KIRREL2: variants seen among roughly 807,000 people sequenced by gnomAD.
KIRREL2 encodes the protein kirre like nephrin family adhesion molecule 2.
A neutral mutation model predicts 73.4 loss-of-function variants in KIRREL2; 56 were observed. The observed-to-expected ratio is 0.76, with a 90% CI of 0.62 to 0.95. KIRREL2 has a LOEUF of 0.95. Ranked by LOEUF, KIRREL2 falls within the 40% of genes least tolerant of loss-of-function variation. The pLI is 0.00. For missense variants in KIRREL2, 896 were observed against 935.0 expected (o/e 0.96, Z 0.54); for synonymous variants, 407 against 404.0 (o/e 1.01, Z -0.09).
rs758313329 is a variant in KIRREL2 at position 35,860,707 on chromosome 19, C to A, written c.928+40C>A. 122 of 1,596,826 alleles carry A rather than the reference C, an allele frequency of 7.6e-5. 1 individual carries two copies. Among genetic ancestry groups the A allele is most frequent in the Non-Finnish European group, 9.1e-5 (107 of 1,176,776 alleles). ...GCCTGTGGGTGTGGTCAAAGGTGGC[C>A]GTGGCTTTCAGGGCTGTTGAGGGTC... On this transcript the variant is annotated intron_variant, in intron 7 of 14. Transcript: ENST00000360202.
intron 11 of KIRREL2, 136 bp downstream of exon 11, chr19:35,862,160 GT>G: frequency 1.4e-6 from 1 of 715,996 alleles, no homozygotes; most frequent in East Asian, 2.7e-5. Flanking sequence ...TCTCAAAACT[GT>G]GGGCTCATTG....
chr19:35,862,907 C>T lies in KIRREL2; in HGVS notation c.1616-20C>T, dbSNP rs1369178496. 12 of 1,480,844 alleles carry T rather than the reference C, an allele frequency of 8.1e-6. No homozygotes were observed. Among genetic ancestry groups the T allele is most frequent in the Non-Finnish European group, 1.1e-5 (12 of 1,081,546 alleles). The allele number at this position is 1,480,844 out of a possible 1,614,324, so 91.7% of individuals were successfully genotyped here. A position where few individuals can be genotyped will look rare whatever the true frequency, so the allele number is the denominator to read the frequency against. The stretch of plus-strand genomic sequence containing the variant: ...TGTGACCCCGCCCATCGCTTAACTC[C>T]ACCGGTCGCTGTTTGTCAGCCTCAG... On this transcript the variant is annotated intron_variant, in intron 12 of 14. Transcript: ENST00000360202.
At chr19:35,860,692 G>A (rs1216556268) in intron 7 of KIRREL2, 25 bp downstream of exon 7, 2 of 1,599,028 alleles carry the variant, frequency 1.3e-6, no homozygotes, top group Non-Finnish European at 1.7e-6. Flanking sequence ...GCCTGTGGGT[G>A]TGGTCAAAGG....
rs1973544443 is a variant in KIRREL2 at position 35,858,816 on chromosome 19, G to T, written c.474G>T (p.Leu158Phe). 3 of 1,614,056 alleles carry T rather than the reference G, an allele frequency of 1.9e-6. No individual in the cohort carries two copies. The highest frequency in any genetic ancestry group is 2.5e-6 in the Non-Finnish European group (3 of 1,180,046). Residue 158 changes from leucine (L) to phenylalanine (F), a missense_variant, in exon 4 of 15, where the codon TTG becomes TTT. Coordinates refer to ENST00000360202, the MANE Select transcript of KIRREL2 (RefSeq NM_199180.4). ...SRGDARPTPE[L>F]LWFRDGVLLD... ...GGGATGCCCGCCCTACCCCTGAATTGCTGTGGTTCCGAGATGGGGTCCTGT... is the reference window on the plus strand; with the variant it reads ...GGGATGCCCGCCCTACCCCTGAATTTCTGTGGTTCCGAGATGGGGTCCTGT...
intron 9 of KIRREL2, 60 bp downstream of exon 9, chr19:35,861,314 G>A (rs895459247): frequency 1.3e-5 from 19 of 1,506,072 alleles, no homozygotes; most frequent in African/African-American, 1.1e-4. Flanking sequence ...GCGGACAGAG[G>A]GGGCAAGGGC....
In KIRREL2 at chr19:35,861,625, C is replaced by T. The variant is rs1283393034; in HGVS notation, c.1274C>T (p.Pro425Leu). Residue 425 changes from proline (P) to leucine (L), a missense_variant, in exon 10 of 15, where the codon CCC (proline) becomes CTC (leucine). Transcript: ENST00000360202. ...CTCCAGTGTCTGGTTTTCGCCTCTC[C>T]CGCCCCAGATGCCGTGGTAAGGAAA... Reference protein sequence around the residue: ...ARLQCLVFASPAPDAVVWSWD... With the variant: ...ARLQCLVFASLAPDAVVWSWD... 5 of 1,613,276 alleles carry T rather than the reference C, an allele frequency of 3.1e-6. No individual in the cohort carries two copies. Among genetic ancestry groups the T allele is most frequent in the Admixed American group, 1.7e-5 (1 of 59,768 alleles).
In KIRREL2 at chr19:35,866,570, G is replaced by T; in HGVS notation, c.*78G>T. Reference sequence around the variant, plus strand: ...TCTGATTTCTGAGGAGCCAGGACAAGTTGGCGACCTTACTCCTCCAAAACT... The same window carrying T: ...TCTGATTTCTGAGGAGCCAGGACAATTTGGCGACCTTACTCCTCCAAAACT... On this transcript the variant is annotated 3_prime_UTR_variant, in exon 15 of 15. Coordinates refer to ENST00000360202, the MANE Select transcript of KIRREL2 (RefSeq NM_199180.4). The T allele has an allele frequency of 6.2e-7, 1 of 1,600,988 alleles. No individual in the cohort carries two copies. The highest frequency in any genetic ancestry group is 8.5e-7 in the Non-Finnish European group (1 of 1,174,190).
chr19:35,863,755 G>A (rs997374688), intron 13 of KIRREL2, among the ~76,000 whole-genome samples: 2 of 151,690 alleles, frequency 1.3e-5, no homozygotes, highest in South Asian at 4.2e-4. Flanking sequence ...CCCGGCCTGA[G>A]GGCTCAAGTC....
Position 35,860,300 on chromosome 19 carries a change from C to T in KIRREL2, c.677C>T (p.Pro226Leu). The T allele has an allele frequency of 6.2e-7, 1 of 1,613,900 alleles. No homozygotes were observed. Residue 226 changes from proline to leucine, a missense_variant, in exon 6 of 15, where the codon CCC (proline) becomes CTC (leucine). Physicochemically the swap from Pro to Leu is moderately conservative, Grantham distance 98. Coordinates refer to ENST00000360202, the MANE Select transcript of KIRREL2 (RefSeq NM_199180.4). Reference sequence around the variant, plus strand: ...GACCATTGTCCCACCCTCACAGACCCCCCAGAGGTGACTCTGTCTGCTTCG... The same window carrying T: ...GACCATTGTCCCACCCTCACAGACCTCCCAGAGGTGACTCTGTCTGCTTCG... The part of the protein sequence containing the change: ...DTAITLSLQY[P>L]PEVTLSASPH...
chr19:35,863,179 C>T, intron 13 of KIRREL2, 143 bp downstream of exon 13: 1 of 593,986 alleles, frequency 1.7e-6, no homozygotes, highest in East Asian at 2.8e-5. Flanking sequence ...GAGGTGGAGA[C>T]ACAAGGATCA....
chr19:35,863,634 TAG>T, intron 13 of KIRREL2, among the ~76,000 whole-genome samples: 1 of 152,042 alleles, frequency 6.6e-6, no homozygotes, highest in East Asian at 1.9e-4. Context: ...GTATTTTTAG[TAG>T]AGATTGGGTT....
upstream of KIRREL2, chr19:35,851,748 G>T (rs1299903198): frequency 6.4e-7 from 1 of 1,557,190 alleles, no homozygotes; most frequent in Non-Finnish European, 8.7e-7. Flanking sequence ...GGGGCCACTT[G>T]GCGCTGGGTA....
At chr19:35,851,918 G>C (rs73928331), upstream of KIRREL2, 54,188 of 1,200,666 alleles carry the variant, frequency 0.045, 1,772 homozygotes, top group African/African-American at 0.16. Flanking sequence ...GTCCCTCTCT[G>C]TGTGTCTCTG....
In KIRREL2 at chr19:35,860,654, G is replaced by A. The variant is rs1403787735; in HGVS notation, c.915G>A (p.Ala305=). The A allele has an allele frequency of 1.2e-6, 2 of 1,602,812 alleles. No homozygotes were observed. Among genetic ancestry groups the A allele is most frequent in the Admixed American group, 3.3e-5 (2 of 59,990 alleles). The change falls in exon 7 of 15, where the codon GCG becomes GCA. Residue 305 remains alanine (A), a synonymous_variant. Coordinates refer to ENST00000360202, the MANE Select transcript of KIRREL2 (RefSeq NM_199180.4). The part of the protein sequence containing the change: ...NAVGSANRST[A]LDVLFGPILQ... ...TGGGTAGCGCCAACCGCAGTACTGC[G>A]CTGGATGTGCTGTGTGAGCTGGGGC...
At chr19:35,860,436 A>G (rs1180866563) in intron 6 of KIRREL2, 34 bp downstream of exon 6, 1 of 1,608,774 alleles carries the variant, frequency 6.2e-7, no homozygotes, top group South Asian at 1.1e-5. Context: ...CCCAGCCCCA[A>G]GAGTGAGCTT....
chr19:35,861,590 C>T lies in KIRREL2; in HGVS notation c.1239C>T (p.Gly413=), dbSNP rs1274917443. 3.1e-6 allele frequency: 5 copies of T among 1,613,446 alleles called. No homozygotes were observed. The highest frequency in any genetic ancestry group is 2.2e-5 in the East Asian group (1 of 44,888). ...ACTCTGCGCCTGCCTTCCTGAGGGG[C>T]CCTGCTCGCCTCCAGTGTCTGGTTT... ...ALHSAPAFLR[G]PARLQCLVFA... The change falls in exon 10 of 15, where the codon GGC becomes GGT. Residue 413 remains glycine, a synonymous_variant. Transcript: ENST00000360202.
Position 35,858,973 on chromosome 19 carries a change from A to T in KIRREL2, c.522+109A>T, listed in dbSNP as rs538722287. 319 of 1,240,462 alleles carry T rather than the reference A, an allele frequency of 2.6e-4. 3 individuals carry two copies. The highest frequency in any genetic ancestry group is 8.9e-4 in the Admixed American group (46 of 51,508). The allele number at this position is 1,240,462 out of a possible 1,614,324, so 76.8% of individuals were successfully genotyped here. A position where few individuals can be genotyped will look rare whatever the true frequency, so the allele number is the denominator to read the frequency against. On this transcript the variant is annotated intron_variant, in intron 4 of 14. Transcript: ENST00000360202. ...AGAAGACATGGGAGGGCAGAGGTTC[A>T]TGGGTTTGGACTCTTGAAATATGAT...
chr19:35,852,293 CCTCTCTCTCTGTCT>C (rs965507732), upstream of KIRREL2, among the ~76,000 whole-genome samples: 8 of 149,244 alleles, frequency 5.4e-5, no homozygotes, highest in African/African-American at 1.5e-4. Context: ...TCTGTCTCTT[CCTCTCTCTCTGTCT>C]CTCTCTCTCT....
upstream of KIRREL2, among the ~76,000 whole-genome samples, chr19:35,853,050 C>G (rs139228791): frequency 1.6e-4 from 25 of 152,330 alleles, no homozygotes; most frequent in East Asian, 4.6e-3. Context: ...CTGCCTCAGC[C>G]TCCCAAAATG....
Sources: allele counts gnomAD v4.1 joint callset (sites outside exome capture counted in the v4.1 genomes callset), GRCh38; gene constraint gnomAD v4.1.1; transcripts MANE v1.5; gene names NCBI Gene and HGNC (gene_info 2026-07-23, HGNC 2026-07-21).